Variants in PRRG1 observed in about 807,000 individuals in gnomAD.
The protein encoded by PRRG1 is transmembrane gamma-carboxyglutamic acid protein 1.
Under a neutral mutation model 11.8 loss-of-function variants are expected in PRRG1, and 5 were observed. The ratio of observed to expected loss-of-function variants is 0.42; its 90% CI spans 0.22 to 0.89. PRRG1 has a LOEUF of 0.89. Ranked by LOEUF, PRRG1 falls within the 40% of genes least tolerant of loss-of-function variation. The probability of loss-of-function intolerance (pLI) is 0.28; values close to 1 mark genes in which losing one functional copy is unlikely to be tolerated. For missense variants in PRRG1, 155 were observed against 166.1 expected, an observed-to-expected ratio of 0.93 and a Z score of 0.37; for synonymous variants, 66 against 60.4, an observed-to-expected ratio of 1.09 and a Z score of -0.43.
At chrX:37,360,014 T>C (rs1930365380) in intron 1 of PRRG1, among the ~76,000 whole-genome samples, 1 of 111,779 alleles carries the variant, frequency 8.9e-6, no homozygotes, top group East Asian at 2.8e-4. Context: ...CTTTCATTTC[T>C]GATAATAATT....
chrX:37,361,354 A>G (rs1487781560), intron 1 of PRRG1, among the ~76,000 whole-genome samples: 5 of 110,370 alleles, frequency 4.5e-5, no homozygotes, highest in Non-Finnish European at 9.5e-5. Context: ...AAAAAAAAAA[A>G]GCTGAATAAT....
chrX:37,375,372 A>G (rs1556371818), intron 1 of PRRG1, among the ~76,000 whole-genome samples: 1 of 111,874 alleles, frequency 8.9e-6, no homozygotes. Context: ...GTTATGTTCT[A>G]GTAATATAGT....
At chrX:37,350,416 C>T (rs1489474820) in intron 1 of PRRG1, among the ~76,000 whole-genome samples, 3 of 111,450 alleles carry the variant, frequency 2.7e-5, no homozygotes, top group Non-Finnish European at 5.7e-5. Context: ...GGTGTTCAAG[C>T]CAGGGTAAGT....
At chrX:37,425,362 T>G (rs1257559943) in intron 2 of PRRG1, among the ~76,000 whole-genome samples, 1 of 111,480 alleles carries the variant, frequency 9.0e-6, no homozygotes, top group Non-Finnish European at 1.9e-5. Context: ...ACAATTTTTT[T>G]TTACCTATTC....
At chrX:37,432,574 C>T (rs1246370508) in intron 3 of PRRG1, among the ~76,000 whole-genome samples, 1 of 111,581 alleles carries the variant, frequency 9.0e-6, no homozygotes, top group African/African-American at 3.3e-5. Flanking sequence ...CCTTTTCCTT[C>T]CTATAGAATC....
At chrX:37,412,412 A>G (rs1245372231) in intron 2 of PRRG1, among the ~76,000 whole-genome samples, 1 of 111,788 alleles carries the variant, frequency 8.9e-6, no homozygotes, top group Non-Finnish European at 1.9e-5. Context: ...TGAACCTTCA[A>G]ACTGACAAGC....
rs1175377908 is a variant in PRRG1 at position 37,401,592 on chromosome X, T to C, written c.-41-4617T>C. On this transcript the variant is annotated intron_variant, in intron 1 of 3. Coordinates refer to ENST00000378628, the MANE Select transcript of PRRG1 (RefSeq NM_001142395.2). Reference sequence around the variant, plus strand: ...ACTGGCACAAGACAGGGATGCCCTCTCTCACCACTCCTATTCAACATAGTG... The same window carrying C: ...ACTGGCACAAGACAGGGATGCCCTCCCTCACCACTCCTATTCAACATAGTG... Among the ~76,000 whole-genome samples, 11 of 110,611 alleles carry C rather than the reference T, an allele frequency of 9.9e-5. No homozygotes were observed. In the South Asian group the frequency reaches 2.0e-3, roughly 20 times the overall value.
intron 1 of PRRG1, among the ~76,000 whole-genome samples, chrX:37,375,446 T>C (rs1470260945): frequency 9.0e-6 from 1 of 111,486 alleles, no homozygotes; most frequent in Non-Finnish European, 1.9e-5. Context: ...GGAAAATGTT[T>C]GGGAAAAAAA....
At chrX:37,427,159 A>G (rs1242899204) in intron 3 of PRRG1, among the ~76,000 whole-genome samples, 1 of 112,096 alleles carries the variant, frequency 8.9e-6, no homozygotes, top group Admixed American at 9.5e-5. Flanking sequence ...TGGTTTTCAC[A>G]AGGCTAATGG....
intron 1 of PRRG1, among the ~76,000 whole-genome samples, chrX:37,391,724 G>A (rs1424053247): frequency 8.9e-6 from 1 of 111,762 alleles, no homozygotes; most frequent in African/African-American, 3.3e-5. Context: ...GAATACAATT[G>A]ACTTTATGAA....
intron 1 of PRRG1, among the ~76,000 whole-genome samples, chrX:37,358,942 G>A (rs1338539871): frequency 9.0e-6 from 1 of 111,401 alleles, no homozygotes; most frequent in Non-Finnish European, 1.9e-5. Flanking sequence ...CTGATATATA[G>A]GAAAAGAATT....
At chrX:37,408,127 C>T (rs1170992771) in intron 2 of PRRG1, among the ~76,000 whole-genome samples, 1 of 111,944 alleles carries the variant, frequency 8.9e-6, no homozygotes, top group African/African-American at 3.3e-5. Context: ...AATCAGCTCT[C>T]AATGGAAGCT....
chrX:37,402,459 T>C (rs1932034870), intron 1 of PRRG1, among the ~76,000 whole-genome samples: 2 of 111,703 alleles, frequency 1.8e-5, no homozygotes, highest in African/African-American at 6.5e-5. Context: ...GATCCCTTCC[T>C]TACACCTTAT....
intron 2 of PRRG1, among the ~76,000 whole-genome samples, chrX:37,408,283 TC>T (rs1556382611): frequency 3.6e-5 from 4 of 111,223 alleles, no homozygotes. Context: ...AGAAGCTCCC[TC>T]CTACAGCTGA....
chrX:37,415,455 A>G (rs960307995), intron 2 of PRRG1, among the ~76,000 whole-genome samples: 4 of 112,206 alleles, frequency 3.6e-5, no homozygotes, highest in Middle Eastern at 9.2e-3. Flanking sequence ...GGTGGTTAAC[A>G]GTCCACTTTG....
At chrX:37,441,456 C>T (rs897771020) in intron 3 of PRRG1, 9 of 753,268 alleles carry the variant, frequency 1.2e-5, no homozygotes, top group Admixed American at 8.7e-5. Flanking sequence ...ATTAGCCATC[C>T]GCCTTCAGCC....
At chrX:37,390,786 A>G (rs1471799172) in intron 1 of PRRG1, among the ~76,000 whole-genome samples, 1 of 112,294 alleles carries the variant, frequency 8.9e-6, no homozygotes, top group Admixed American at 9.4e-5. Context: ...CTAAAGCCTC[A>G]GGCATGGATA....
chrX:37,383,821 T>C (rs1931230238), intron 1 of PRRG1, among the ~76,000 whole-genome samples: 2 of 111,251 alleles, frequency 1.8e-5, no homozygotes, highest in Non-Finnish European at 3.8e-5. Context: ...TGCTGTGGTA[T>C]GCCTAAGATG....
intron 1 of PRRG1, 45 bp downstream of exon 1, chrX:37,349,440 T>A (rs1193565025): frequency 8.9e-6 from 1 of 112,244 alleles, no homozygotes; most frequent in Non-Finnish European, 1.9e-5. Flanking sequence ...GGAAACGTGA[T>A]CCAGGCGAAG....
Sources: allele counts gnomAD v4.1 joint callset (sites outside exome capture counted in the v4.1 genomes callset), GRCh38; gene constraint gnomAD v4.1.1; transcripts MANE v1.5; gene names NCBI Gene and HGNC (gene_info 2026-07-23, HGNC 2026-07-21).